Variants in NECAB2 observed in about 807,000 individuals in gnomAD.
The protein encoded by NECAB2 is N-terminal EF-hand calcium-binding protein 2.
A neutral mutation model predicts 51.9 loss-of-function variants in NECAB2; 68 were observed. The observed-to-expected ratio is 1.31, with a 90% CI of 1.08 to 1.60. NECAB2 has a LOEUF of 1.60. Ranked by LOEUF, NECAB2 falls within the 40% of genes most tolerant of loss-of-function variation. NECAB2 has a pLI of 0.00. For synonymous variants in NECAB2, 329 were observed against 203.5 expected (o/e 1.62, Z -5.25); for missense variants, 854 against 490.3 (o/e 1.74, Z -7.00).
chr16:83,977,393 C>T lies in NECAB2; in HGVS notation c.227-1051C>T, dbSNP rs544449436. Among the ~76,000 whole-genome samples, 80 of 152,272 alleles carry T rather than the reference C, an allele frequency of 5.3e-4. No individual in the cohort carries two copies. In the Middle Eastern group the frequency reaches 0.01, roughly 19 times the overall value. ...AGGTGGAAGGAGCTGAGGGTGGAAG[C>T]TTAGGGACCGCCTCCCAGAGTCCCT... On this transcript the variant is annotated intron_variant, in intron 2 of 12. Transcript: ENST00000305202.
At chr16:83,977,040 C>G (rs139380811) in intron 2 of NECAB2, among the ~76,000 whole-genome samples, 99 of 152,378 alleles carry the variant, frequency 6.5e-4, no homozygotes, top group African/African-American at 2.1e-3. Flanking sequence ...AGGCTGCAAT[C>G]CGCTTTCAAC....
intron 5 of NECAB2, among the ~76,000 whole-genome samples, chr16:83,985,313 CAAAAAAAAAAAAAAAAA>C (rs71148868): frequency 5.6e-4 from 17 of 30,162 alleles, no homozygotes; most frequent in Non-Finnish European, 7.9e-4. Flanking sequence ...ATCTCTGTCT[CAAAAAAAAAAAAAAAAA>C]AAAAAAAAAA....
intron 8 of NECAB2, among the ~76,000 whole-genome samples, chr16:83,995,509 T>C (rs2084685550): frequency 6.6e-6 from 1 of 152,104 alleles, no homozygotes; most frequent in Non-Finnish European, 1.5e-5. Context: ...ATATTAGCAA[T>C]GTTAGCAATT....
intron 2 of NECAB2, among the ~76,000 whole-genome samples, chr16:83,975,912 T>C (rs1454422758): frequency 6.6e-6 from 1 of 152,180 alleles, no homozygotes; most frequent in Admixed American, 6.5e-5. Flanking sequence ...GGGCATGTTT[T>C]TTCCTCATTA....
At chr16:83,982,806 C>T (rs907854220) in intron 5 of NECAB2, among the ~76,000 whole-genome samples, 2 of 151,744 alleles carry the variant, frequency 1.3e-5, no homozygotes, top group African/African-American at 2.4e-5. Flanking sequence ...TTGTGGCAGT[C>T]GTGGTGATGA....
rs201480051 is a variant in NECAB2, at chr16:83,990,532, C to T, written c.498C>T (p.Thr166=). Reference sequence around the variant, plus strand: ...GGAGCAACGTGGACCAGTTTGTGACCCGCTTCCTCCTGAAGGAGACGGCCA... The same window carrying T: ...GGAGCAACGTGGACCAGTTTGTGACTCGCTTCCTCCTGAAGGAGACGGCCA... ...EGGSNVDQFV[T]RFLLKETANQ... The change falls in exon 6 of 13, where the codon ACC becomes ACT. Residue 166 remains threonine (T), a synonymous_variant. Coordinates refer to ENST00000305202, the MANE Select transcript of NECAB2 (RefSeq NM_019065.3). 1.7e-5 allele frequency: 28 copies of T among 1,614,034 alleles called. No individual in the cohort carries two copies. Among genetic ancestry groups the T allele is most frequent in the Admixed American group, 1.2e-4 (7 of 60,008 alleles).
At chr16:84,002,111 G>C (rs2084848668) in intron 12 of NECAB2, among the ~76,000 whole-genome samples, 195 bp downstream of exon 12, 1 of 152,274 alleles carries the variant, frequency 6.6e-6, no homozygotes, top group East Asian at 1.9e-4. Flanking sequence ...GCTTGCACCA[G>C]AGCACCCCCT....
At chr16:83,996,185 G>C (rs1323258597) in intron 8 of NECAB2, among the ~76,000 whole-genome samples, 1 of 152,202 alleles carries the variant, frequency 6.6e-6, no homozygotes, top group Non-Finnish European at 1.5e-5. Context: ...AGGGGCCACA[G>C]TGCCTCTCCT....
intron 8 of NECAB2, among the ~76,000 whole-genome samples, chr16:83,995,401 C>G (rs919198762): frequency 4.6e-5 from 7 of 152,150 alleles, no homozygotes; most frequent in Admixed American, 3.3e-4. Context: ...AGAAAATAAC[C>G]TGGAGCATGG....
At chr16:83,977,397 G>C (rs1184740876) in intron 2 of NECAB2, among the ~76,000 whole-genome samples, 2 of 152,164 alleles carry the variant, frequency 1.3e-5, no homozygotes, top group Non-Finnish European at 2.9e-5. Context: ...TGGAAGCTTA[G>C]GGACCGCCTC....
At chr16:84,002,010 G>A in intron 12 of NECAB2, 94 bp downstream of exon 12, 1 of 1,383,270 alleles carries the variant, frequency 7.2e-7, no homozygotes, top group Non-Finnish European at 1.0e-6. Flanking sequence ...GGACTTGCCT[G>A]CTTGCTGTGG....
rs371868222 is a variant in NECAB2, at chr16:83,992,493, G to T, written c.597-1809G>T. The stretch of plus-strand genomic sequence containing the variant: ...AGAAAAAGAGAAAATGCAAACAGAT[G>T]AGGGAAACAGCCAGGTGTCGGCACC... On this transcript the variant is annotated intron_variant, in intron 6 of 12. Transcript: ENST00000305202. Among the ~76,000 whole-genome samples the T allele has an allele frequency of 2.6e-5, 4 of 151,554 alleles. No homozygotes were observed. In the East Asian group the frequency reaches 5.8e-4, roughly 22 times the overall value.
intron 5 of NECAB2, among the ~76,000 whole-genome samples, chr16:83,988,798 G>A (rs1567671971): frequency 2.0e-5 from 3 of 151,626 alleles, no homozygotes; most frequent in Admixed American, 1.3e-4. Flanking sequence ...TGTGGAGTCT[G>A]TGGAGCTGGT....
upstream of NECAB2, among the ~76,000 whole-genome samples, chr16:83,968,048 A>T (rs1329106388): frequency 1.3e-5 from 2 of 151,938 alleles, no homozygotes; most frequent in Non-Finnish European, 2.9e-5. Context: ...ATGGAGTATG[A>T]AGGAAAGATG....
Position 84,001,868 on chromosome 16 carries a change from GTGGACACACTGAGCCAGC to G in NECAB2, c.1085_1102del (p.Val362_Pro368delinsAla). On this transcript the variant is annotated inframe_deletion, in exon 12 of 13. Coordinates refer to ENST00000305202, the MANE Select transcript of NECAB2 (RefSeq NM_019065.3). ...GTGTAAGGCGTTCCGGCACGTCAAG[GTGGACACACTGAGCCAGC>G]CTGAGGCCCTCTCCAGGATCTTGGT... The G allele has an allele frequency of 1.2e-6, 2 of 1,614,172 alleles. No individual in the cohort carries two copies. Among genetic ancestry groups the G allele is most frequent in the Non-Finnish European group, 1.7e-6 (2 of 1,179,998 alleles).
chr16:83,974,111 C>T (rs139423902), intron 2 of NECAB2, among the ~76,000 whole-genome samples: 1 of 152,074 alleles, frequency 6.6e-6, no homozygotes, highest in African/African-American at 2.4e-5. Context: ...TGTTCCTTCT[C>T]CTTGGGGCTT....
Position 83,994,349 on chromosome 16 carries a change from G to C in NECAB2, c.644G>C (p.Gly215Ala), listed in dbSNP as rs753796795. Residue 215 changes from glycine to alanine, a missense_variant, in exon 7 of 13, where the codon GGA (glycine) becomes GCA (alanine). Transcript: ENST00000305202. The part of the protein sequence containing the change: ...PSHSAAQTWC[G>A]SPTPASAPNH... ...CACAGCGCGGCACAGACCTGGTGTG[G>C]AAGCCCCACTCCCGCCTCTGCCCCC... The C allele has an allele frequency of 6.2e-7, 1 of 1,614,158 alleles. No individual in the cohort carries two copies. Among genetic ancestry groups the C allele is most frequent in the Admixed American group, 1.7e-5 (1 of 60,018 alleles).
upstream of NECAB2, chr16:83,965,553 ACCAGCTGC>A (rs778838178): frequency 2.5e-6 from 4 of 1,612,860 alleles, no homozygotes; most frequent in South Asian, 4.4e-5. Flanking sequence ...CTGGTGTTCA[ACCAGCTGC>A]CCAAGATGCT....
At chr16:83,999,035 C>T (rs1046598347) in intron 10 of NECAB2, among the ~76,000 whole-genome samples, 1 of 152,158 alleles carries the variant, frequency 6.6e-6, no homozygotes, top group African/African-American at 2.4e-5. Flanking sequence ...TTCTTCCATC[C>T]CCAGAGCACA....
Sources: allele counts gnomAD v4.1 joint callset (sites outside exome capture counted in the v4.1 genomes callset), GRCh38; gene constraint gnomAD v4.1.1; transcripts MANE v1.5; gene names NCBI Gene and HGNC (gene_info 2026-07-23, HGNC 2026-07-21).